Variants in TENM2 observed in about 807,000 individuals in gnomAD.
TENM2 encodes the protein teneurin transmembrane protein 2.
Under a neutral mutation model 245.2 loss-of-function variants are expected in TENM2, and 52 were observed. The ratio of observed to expected loss-of-function variants is 0.21; its 90% CI spans 0.17 to 0.27. The LOEUF (loss-of-function observed/expected upper bound fraction) is 0.27. Among genes scored for constraint, TENM2 ranks in the 10% least tolerant of loss-of-function variants. The pLI, the probability that TENM2 is intolerant of heterozygous loss-of-function variation, is 1.00. For synonymous variants in TENM2, 1,363 were observed against 1,438.9 expected (o/e 0.95, Z 1.19); for missense variants, 3,046 against 3,666.8 (o/e 0.83, Z 4.37).
chr5:167,299,952 G>C (rs1414310508), intron 1 of TENM2, among the ~76,000 whole-genome samples: 1 of 152,164 alleles, frequency 6.6e-6, no homozygotes, highest in Admixed American at 6.5e-5. Context: ...TAGAGAGTGA[G>C]TTGAGCATAG....
At chr5:167,515,662 T>TATATATATACATATATATACAAA (rs1562019058) in intron 2 of TENM2, among the ~76,000 whole-genome samples, 1 of 85,740 alleles carries the variant, frequency 1.2e-5, no homozygotes, top group African/African-American at 4.5e-5. Flanking sequence ...CATATATACG[T>TATATATATACATATATATACAAA]ATATATGTGT....
intron 7 of TENM2, among the ~76,000 whole-genome samples, chr5:168,080,381 G>T (rs6879357): frequency 0.093 from 14,209 of 152,098 alleles, 1,015 homozygotes; most frequent in East Asian, 0.31. Flanking sequence ...CAAAAAACCA[G>T]CTCCTGGATT....
At chr5:167,698,760 T>C (rs866661783) in intron 2 of TENM2, among the ~76,000 whole-genome samples, 103 of 144,698 alleles carry the variant, frequency 7.1e-4, no homozygotes, top group Middle Eastern at 7.0e-3. Flanking sequence ...CTCTGCTCAC[T>C]GCCAGCTCCT....
chr5:167,967,401 C>T (rs1781461764), intron 4 of TENM2, among the ~76,000 whole-genome samples: 1 of 152,144 alleles, frequency 6.6e-6, no homozygotes, highest in African/African-American at 2.4e-5. Context: ...GTGCAAATTA[C>T]AAGGTGCATT....
the TENM2 span, among the ~76,000 whole-genome samples, chr5:167,135,269 A>G: frequency 2.6e-5 from 4 of 152,336 alleles, no homozygotes; most frequent in East Asian, 1.9e-4. Flanking sequence ...TTCATCAAAT[A>G]ATTTCAGTAC....
intron 2 of TENM2, 24 bp from the exon 5 acceptor site, chr5:167,875,962 T>C (rs1156462194): frequency 3.3e-6 from 5 of 1,530,862 alleles, no homozygotes; most frequent in Non-Finnish European, 4.4e-6. Flanking sequence ...TGCTGACCTT[T>C]GACCCCTCTG....
intron 2 of TENM2, chr5:167,729,240 C>T (rs1760249012): frequency 6.6e-6 from 1 of 152,120 alleles, no homozygotes; most frequent in African/African-American, 2.4e-5. Flanking sequence ...TATTGACTGC[C>T]TACTTTCAAG....
chr5:167,971,680 GAC>G (rs1781800768), intron 4 of TENM2, among the ~76,000 whole-genome samples: 1 of 150,622 alleles, frequency 6.6e-6, no homozygotes, highest in Admixed American at 6.7e-5. Flanking sequence ...CAGCCTGGGT[GAC>G]AGAGTGAGAC....
chr5:167,619,737 G>T (rs561932283), intron 2 of TENM2, among the ~76,000 whole-genome samples: 15 of 152,212 alleles, frequency 9.9e-5, no homozygotes, highest in African/African-American at 2.9e-4. Flanking sequence ...CTGCAGTCAG[G>T]CAAACCATTG....
At chr5:167,714,395 T>C (rs1283538817) in intron 2 of TENM2, among the ~76,000 whole-genome samples, 1 of 152,206 alleles carries the variant, frequency 6.6e-6, no homozygotes, top group East Asian at 1.9e-4. Flanking sequence ...TGTTGTTTCG[T>C]GCATTGAGAA....
chr5:167,879,006 C>T (rs538549732), intron 3 of TENM2, among the ~76,000 whole-genome samples: 1 of 152,314 alleles, frequency 6.6e-6, no homozygotes, highest in Admixed American at 6.5e-5. Flanking sequence ...CTGCTCTCCT[C>T]TTATAGTTGC....
intron 2 of TENM2, among the ~76,000 whole-genome samples, chr5:167,786,382 T>A (rs931246625): frequency 1.3e-5 from 2 of 152,238 alleles, no homozygotes; most frequent in African/African-American, 4.8e-5. Flanking sequence ...CAGTTTTCTC[T>A]CTCGGCCTTG....
chr5:167,065,530 T>TATGA, the TENM2 span, among the ~76,000 whole-genome samples: 2 of 152,184 alleles, frequency 1.3e-5, no homozygotes, highest in Non-Finnish European at 2.9e-5. Context: ...ACACAACGTG[T>TATGA]ATGAGTAGTG....
At chr5:167,912,211 C>G (rs7732654) in intron 3 of TENM2, among the ~76,000 whole-genome samples, 32,348 of 152,092 alleles carry the variant, frequency 0.21, 3,863 homozygotes, top group East Asian at 0.43. Flanking sequence ...GTGAGGTCAA[C>G]CTTTTCAGAT....
rs573015878 is a variant in TENM2 at position 167,297,992 on chromosome 5, G to C, written c.226+12929G>C. 2.4e-4 allele frequency among the ~76,000 whole-genome samples: 37 copies of C among 152,258 alleles called. No individual in the cohort carries two copies. In the East Asian group the frequency reaches 3.5e-3, roughly 14 times the overall value. On this transcript the variant is annotated intron_variant, in intron 1 of 28. Coordinates refer to ENST00000518659, the Ensembl canonical transcript of TENM2. ...AGGAACCGGCCATCTGGATGTGTAC[G>C]TGCAGGTCACAGGGGATATGATGGC...
At chr5:167,748,326 A>G (rs1301537755) in intron 2 of TENM2, among the ~76,000 whole-genome samples, 6 of 152,126 alleles carry the variant, frequency 3.9e-5, no homozygotes, top group Admixed American at 3.9e-4. Context: ...GTGCAAAAAA[A>G]TTTCTATCTG....
intron 2 of TENM2, among the ~76,000 whole-genome samples, chr5:167,543,932 T>A (rs980953801): frequency 2.0e-5 from 3 of 152,214 alleles, no homozygotes; most frequent in African/African-American, 7.2e-5. Context: ...CTATGTTTAC[T>A]AATCCACTAT....
At chr5:167,214,193 A>AT in the TENM2 span, among the ~76,000 whole-genome samples, 82 of 152,304 alleles carry the variant, frequency 5.4e-4, no homozygotes, top group Non-Finnish European at 1.0e-3. Context: ...CTGGGATTGG[A>AT]AGAGCCCTGA....
chr5:167,180,437 C>T, the TENM2 span, among the ~76,000 whole-genome samples: 1 of 152,058 alleles, frequency 6.6e-6, no homozygotes, highest in African/African-American at 2.4e-5. Context: ...CTTCATTCTT[C>T]CCGGAGAAAG....
Sources: allele counts gnomAD v4.1 joint callset (sites outside exome capture counted in the v4.1 genomes callset), GRCh38; gene constraint gnomAD v4.1.1; transcripts MANE v1.5; gene names NCBI Gene and HGNC (gene_info 2026-07-23, HGNC 2026-07-21).